Variants in GRAMD1B observed in about 807,000 individuals in gnomAD.
GRAMD1B encodes the protein protein Aster-B.
Under a neutral mutation model 99.7 loss-of-function variants are expected in GRAMD1B, and 37 were observed. That is an observed-to-expected ratio of 0.37 (90% CI 0.29 to 0.49). GRAMD1B has a LOEUF of 0.49. Among genes scored for constraint, GRAMD1B ranks in the 20% least tolerant of loss-of-function variants. The pLI is 0.98. For missense variants in GRAMD1B, 888 were observed against 1,009.2 expected (o/e 0.88, Z 1.63); for synonymous variants, 427 against 387.6 (o/e 1.10, Z -1.19).
chr11:123,403,598 A>G (rs1345339180), intron 1 of GRAMD1B, among the ~76,000 whole-genome samples: 1 of 151,728 alleles, frequency 6.6e-6, no homozygotes, highest in African/African-American at 2.4e-5. Context: ...GCTGGAGTGC[A>G]GTGGCAGCAA....
intron 1 of GRAMD1B, among the ~76,000 whole-genome samples, chr11:123,453,020 G>A (rs913456030): frequency 1.3e-5 from 2 of 152,108 alleles, no homozygotes; most frequent in African/African-American, 4.8e-5. Context: ...TCATAACCAT[G>A]GAGAATCTAG....
intron 17 of GRAMD1B, among the ~76,000 whole-genome samples, chr11:123,615,545 C>T (rs1954246695): frequency 6.6e-6 from 1 of 152,122 alleles, no homozygotes; most frequent in Admixed American, 6.5e-5. Context: ...ATTAGCCAGG[C>T]GTGGTGGCAG....
chr11:123,398,550 G>A (rs1433906214), intron 1 of GRAMD1B, among the ~76,000 whole-genome samples: 2 of 152,186 alleles, frequency 1.3e-5, no homozygotes, highest in Non-Finnish European at 2.9e-5. Context: ...CATTGGCAGT[G>A]TATGAGAAAT....
rs769699315 is a variant in GRAMD1B, at chr11:123,625,479, C to G, written c.*2884C>G. On this transcript the variant is annotated 3_prime_UTR_variant, in exon 20 of 20. Coordinates refer to ENST00000635736, the MANE Select transcript of GRAMD1B (RefSeq NM_001387025.1). ...CAAGACTGGCCTCAGACAAGCTAAT[C>G]ATGGTGCGACTCTCTCCCTTCCTCA... 1.3e-5 allele frequency: 2 copies of G among 152,218 alleles called. No individual in the cohort carries two copies. The highest frequency in any genetic ancestry group is 2.9e-5 in the Non-Finnish European group (2 of 68,050). 9.4% of individuals were successfully genotyped at this position (152,218 alleles called of 1,614,324 possible).
At chr11:123,564,067 G>A (rs984278750) in intron 2 of GRAMD1B, among the ~76,000 whole-genome samples, 1 of 152,224 alleles carries the variant, frequency 6.6e-6, no homozygotes, top group African/African-American at 2.4e-5. Flanking sequence ...TGAGGTCAGG[G>A]GAGGAGCGAT....
chr11:123,592,188 A>G (rs1398068631), intron 4 of GRAMD1B, among the ~76,000 whole-genome samples: 1 of 152,134 alleles, frequency 6.6e-6, no homozygotes, highest in Admixed American at 6.5e-5. Flanking sequence ...AAGACCTAGT[A>G]GAGGGCTTGG....
chr11:123,569,765 G>T (rs950490673), intron 2 of GRAMD1B, among the ~76,000 whole-genome samples: 1 of 152,218 alleles, frequency 6.6e-6, no homozygotes, highest in African/African-American at 2.4e-5. Flanking sequence ...AGGATAGGAC[G>T]TGTGTAACTG....
At chr11:123,618,265 C>T in intron 17 of GRAMD1B, 1 of 1,177,968 alleles carries the variant, frequency 8.5e-7, no homozygotes, top group Admixed American at 1.7e-5. Context: ...GGTTGATTTT[C>T]AGTGCAGGTT....
intron 2 of GRAMD1B, among the ~76,000 whole-genome samples, chr11:123,555,723 C>G (rs570145469): frequency 6.6e-6 from 1 of 152,040 alleles, no homozygotes; most frequent in Non-Finnish European, 1.5e-5. Context: ...TCAGTTTTCT[C>G]ATCAGTTTGA....
At chr11:123,369,065 T>C (rs1946429161) in intron 1 of GRAMD1B, among the ~76,000 whole-genome samples, 1 of 151,958 alleles carries the variant, frequency 6.6e-6, no homozygotes, top group Admixed American at 6.6e-5. Context: ...GAAGCCAAGG[T>C]AGGAGGGTCA....
chr11:123,432,125 CAGTA>C (rs375268324), intron 1 of GRAMD1B: 82 of 398,522 alleles, frequency 2.1e-4, no homozygotes, highest in African/African-American at 1.5e-3. Context: ...GATTTCAATT[CAGTA>C]AGTACTTACT....
At chr11:123,476,397 G>A (rs1339327653) in intron 1 of GRAMD1B, among the ~76,000 whole-genome samples, 1 of 152,142 alleles carries the variant, frequency 6.6e-6, no homozygotes, top group East Asian at 1.9e-4. Flanking sequence ...CACCGCACCC[G>A]GCCCATTTAA....
intron 1 of GRAMD1B, among the ~76,000 whole-genome samples, chr11:123,434,657 G>A (rs755170183): frequency 1.3e-5 from 2 of 152,196 alleles, no homozygotes; most frequent in South Asian, 4.1e-4. Flanking sequence ...ACATGGTAGT[G>A]CGCGCCTGTA....
intron 1 of GRAMD1B, among the ~76,000 whole-genome samples, chr11:123,366,333 A>G (rs1422466404): frequency 6.6e-6 from 1 of 152,258 alleles, no homozygotes; most frequent in Non-Finnish European, 1.5e-5. Flanking sequence ...TGTTGGCCCA[A>G]CTGTGATGAG....
chr11:123,586,526 G>C (rs553598953), intron 4 of GRAMD1B, among the ~76,000 whole-genome samples: 1 of 152,176 alleles, frequency 6.6e-6, no homozygotes, highest in African/African-American at 2.4e-5. Context: ...GGACTCATGC[G>C]GTCCCTCTGG....
chr11:123,396,332 A>T (rs535448498), intron 1 of GRAMD1B, among the ~76,000 whole-genome samples: 8 of 150,548 alleles, frequency 5.3e-5, no homozygotes, highest in Middle Eastern at 3.4e-3. Flanking sequence ...CTGGAGTGCA[A>T]TGGCACAATC....
intron 1 of GRAMD1B, among the ~76,000 whole-genome samples, chr11:123,424,243 C>G (rs1178762246): frequency 2.7e-5 from 4 of 149,136 alleles, no homozygotes; most frequent in African/African-American, 1.0e-4. Context: ...GTAATGCAGT[C>G]CCCCAACACC....
rs1400733649 is a variant in GRAMD1B, at chr11:123,623,727, T to C, written c.*1132T>C. On this transcript the variant is annotated 3_prime_UTR_variant, in exon 20 of 20. Transcript: ENST00000635736. ...ACGACTGTCTGAGACAGTTTGCACA[T>C]AGAAAAAGCATCTGAGCCACTGGAG... 2.0e-5 allele frequency: 3 copies of C among 152,126 alleles called. No individual in the cohort carries two copies. The highest frequency in any genetic ancestry group is 2.9e-5 in the Non-Finnish European group (2 of 68,020). 9.4% of individuals were successfully genotyped at this position (152,126 alleles called of 1,614,324 possible).
rs1955302471 is a variant in GRAMD1B at position 123,623,001 on chromosome 11, T to A, written c.*406T>A. 1 of 152,190 alleles carries A rather than the reference T, an allele frequency of 6.6e-6. No individual in the cohort carries two copies. The highest frequency in any genetic ancestry group is 2.1e-4 in the South Asian group (1 of 4,824). 9.4% of individuals were successfully genotyped at this position (152,190 alleles called of 1,614,324 possible). A position where few individuals can be genotyped will look rare whatever the true frequency, so the allele number is the denominator to read the frequency against. On this transcript the variant is annotated 3_prime_UTR_variant, in exon 20 of 20. Coordinates refer to ENST00000635736, the MANE Select transcript of GRAMD1B (RefSeq NM_001387025.1). ...GACGGCATTGCTTAAGGTGCTTCATTCCCTAATCCCCTTTTGATTTGTTTC... is the reference window on the plus strand; with the variant it reads ...GACGGCATTGCTTAAGGTGCTTCATACCCTAATCCCCTTTTGATTTGTTTC...
Sources: gnomAD v4.1 joint callset for allele counts (sites outside exome capture counted in the v4.1 genomes callset) on GRCh38, gnomAD v4.1.1 for gene constraint, MANE v1.5 for transcripts, NCBI Gene and HGNC (gene_info 2026-07-23, HGNC 2026-07-21) for gene names.